Variants in ASNS observed in about 807,000 individuals in gnomAD.
ASNS encodes the protein asparagine synthetase [glutamine-hydrolyzing].
ASNS carries 37 observed loss-of-function variants against 62.6 expected under a neutral mutation model. The ratio of observed to expected loss-of-function variants is 0.59; its 90% CI spans 0.45 to 0.78. The LOEUF is 0.78. Among genes scored for constraint, ASNS ranks in the 30% least tolerant of loss-of-function variants. The pLI, the probability that ASNS is intolerant of heterozygous loss-of-function variation, is 0.00. For missense variants in ASNS, 520 were observed against 682.4 expected (o/e 0.76, Z 2.65); for synonymous variants, 207 against 237.9 (o/e 0.87, Z 1.19).
chr7:97,872,448 T>G (rs922575602), upstream of ASNS: 1 of 152,580 alleles, frequency 6.6e-6, no homozygotes, highest in African/African-American at 2.4e-5. Context: ...CCGACCTGGC[T>G]CCTGTAACGC....
chr7:97,896,836 C>T, the ASNS span, among the ~76,000 whole-genome samples: 4 of 135,356 alleles, frequency 3.0e-5, no homozygotes, highest in Non-Finnish European at 6.4e-5. Flanking sequence ...ACAAAGGAAA[C>T]AGACTAAAGA....
At chr7:97,863,156 A>G (rs1045031270) in intron 4 of ASNS, 4 of 152,248 alleles carry the variant, frequency 2.6e-5, no homozygotes, top group Non-Finnish European at 5.9e-5. Flanking sequence ...GGAAATGTCC[A>G]CACAAAAACT....
the ASNS span, among the ~76,000 whole-genome samples, chr7:97,919,809 A>G: frequency 5.9e-5 from 9 of 152,180 alleles, no homozygotes; most frequent in Non-Finnish European, 1.3e-4. Flanking sequence ...GCCCCTGTGT[A>G]CCTGTTTCTA....
chr7:97,913,347 C>T, the ASNS span, among the ~76,000 whole-genome samples: 2 of 152,300 alleles, frequency 1.3e-5, no homozygotes, highest in South Asian at 2.1e-4. Flanking sequence ...AGCAATTCAA[C>T]GGGGAACTTT....
chr7:97,875,738 A>G (rs558731440), upstream of ASNS, among the ~76,000 whole-genome samples: 4 of 152,064 alleles, frequency 2.6e-5, no homozygotes, highest in Non-Finnish European at 4.4e-5. Flanking sequence ...AGCCACATTG[A>G]TTTTCCCTAG....
chr7:97,878,739 A>G, the ASNS span, among the ~76,000 whole-genome samples: 1 of 152,220 alleles, frequency 6.6e-6, no homozygotes, highest in African/African-American at 2.4e-5. Flanking sequence ...TATAGATTCA[A>G]TGCCATCCCC....
the ASNS span, among the ~76,000 whole-genome samples, chr7:97,890,115 T>G: frequency 6.6e-6 from 1 of 151,780 alleles, no homozygotes; most frequent in African/African-American, 2.4e-5. Context: ...ACAAAGAATT[T>G]CTGAACCTGA....
chr7:97,855,996 A>G (rs1791419583), intron 8 of ASNS, among the ~76,000 whole-genome samples: 1 of 152,156 alleles, frequency 6.6e-6, no homozygotes, highest in Non-Finnish European at 1.5e-5. Flanking sequence ...TTATCACCTC[A>G]GCTAGAGAGC....
the ASNS span, among the ~76,000 whole-genome samples, chr7:97,899,527 G>A: frequency 1.3e-5 from 2 of 152,162 alleles, no homozygotes; most frequent in African/African-American, 4.8e-5. Context: ...ATTCAGAGAT[G>A]TACACAAACA....
the ASNS span, among the ~76,000 whole-genome samples, chr7:97,927,120 A>G: frequency 8.5e-6 from 1 of 118,144 alleles, no homozygotes; most frequent in Non-Finnish European, 1.6e-5. Flanking sequence ...AGGCTTCACC[A>G]TGTTGCCCAG....
At chr7:97,857,218 T>C (rs1791485043) in intron 7 of ASNS, among the ~76,000 whole-genome samples, 1 of 152,170 alleles carries the variant, frequency 6.6e-6, no homozygotes, top group African/African-American at 2.4e-5. Flanking sequence ...AGAATGGCCC[T>C]TCCCCTCATT....
chr7:97,923,240 G>A, the ASNS span, among the ~76,000 whole-genome samples: 1 of 149,588 alleles, frequency 6.7e-6, no homozygotes, highest in Non-Finnish European at 1.5e-5. Flanking sequence ...TTTTGATAAA[G>A]TTTTCAAATC....
At chr7:97,913,541 G>A in the ASNS span, among the ~76,000 whole-genome samples, 3 of 152,048 alleles carry the variant, frequency 2.0e-5, no homozygotes, top group South Asian at 2.1e-4. Context: ...ATTGAGTGTC[G>A]ATGATGCACT....
chr7:97,900,378 A>AAAAAAAC, the ASNS span, among the ~76,000 whole-genome samples: 10 of 150,346 alleles, frequency 6.7e-5, no homozygotes, highest in Middle Eastern at 3.5e-3. Context: ...AAAAAAAAAA[A>AAAAAAAC]AAAAAACAGA....
the ASNS span, among the ~76,000 whole-genome samples, chr7:97,888,095 T>A: frequency 6.6e-6 from 1 of 152,200 alleles, no homozygotes; most frequent in Non-Finnish European, 1.5e-5. Context: ...CCCTTCAGCC[T>A]CCTATGTAGC....
At chr7:97,879,781 CTG>C in the ASNS span, among the ~76,000 whole-genome samples, 1 of 152,232 alleles carries the variant, frequency 6.6e-6, no homozygotes, top group African/African-American at 2.4e-5. Flanking sequence ...GTAGTGATAA[CTG>C]TGTGCTGTCT....
intron 5 of ASNS, 126 bp from the exon 6 acceptor site, chr7:97,859,081 C>G (rs1791592444): frequency 7.2e-7 from 1 of 1,393,700 alleles, no homozygotes; most frequent in Non-Finnish European, 9.8e-7. Context: ...TGTGCCAAAT[C>G]TTAATGTGTT....
At chr7:97,854,473 G>A in intron 10 of ASNS, 107 bp downstream of exon 10, 1 of 1,347,856 alleles carries the variant, frequency 7.4e-7, no homozygotes, top group Non-Finnish European at 1.0e-6. Context: ...GTAACATATA[G>A]CCAATCAGCT....
At position 97,851,685 on chromosome 7, in the gene ASNS, A is replaced by C. The variant is rs76666194; in HGVS notation, c.*574T>G. On this transcript the variant is annotated 3_prime_UTR_variant, in exon 13 of 13. Coordinates refer to ENST00000394308, the MANE Select transcript of ASNS (RefSeq NM_001673.5). ...GTCCACAAAGCCTAAAATATTTACT[A>C]TCTGGCTCTTTATTAAAAACAAATT... 34 of 153,150 alleles carry C rather than the reference A, an allele frequency of 2.2e-4. No individual in the cohort carries two copies. In the East Asian group the frequency reaches 6.0e-3, roughly 27 times the overall value. The allele number at this position is 153,150 out of a possible 1,614,324, so 9.5% of individuals were successfully genotyped here.
Sources: allele counts gnomAD v4.1 joint callset (sites outside exome capture counted in the v4.1 genomes callset), GRCh38; gene constraint gnomAD v4.1.1; transcripts MANE v1.5; gene names NCBI Gene and HGNC (gene_info 2026-07-23, HGNC 2026-07-21).